Variants in DDX3X observed in about 807,000 individuals in gnomAD.
DDX3X encodes ATP-dependent RNA helicase DDX3X.
DDX3X carries 4 observed loss-of-function variants against 52.7 expected under a neutral mutation model. That is an observed-to-expected ratio of 0.08 (90% CI 0.04 to 0.17). DDX3X has a LOEUF of 0.17. Ranked by LOEUF, DDX3X falls within the 10% of genes least tolerant of loss-of-function variation. The pLI is 1.00. For synonymous variants in DDX3X, 192 were observed against 178.1 expected, an observed-to-expected ratio of 1.08 and a Z score of -0.62; for missense variants, 222 against 548.6, an observed-to-expected ratio of 0.40 and a Z score of 5.95.
At chrX:41,334,610 G>A in intron 1 of DDX3X, 1 of 1,091,816 alleles carries the variant, frequency 9.2e-7, no homozygotes, top group Non-Finnish European at 1.2e-6. Flanking sequence ...AATCCCGACT[G>A]ATTAGTGACC....
chrX:41,343,408 T>G, intron 7 of DDX3X, 57 bp downstream of exon 7: 1 of 1,074,281 alleles, frequency 9.3e-7, no homozygotes, highest in East Asian at 3.2e-5. Flanking sequence ...GACTAGACAA[T>G]AAAATATTTT....
chrX:41,340,324 T>G (rs1351556766), intron 3 of DDX3X: 1 of 112,931 alleles, frequency 8.9e-6, no homozygotes, highest in Non-Finnish European at 1.9e-5. Flanking sequence ...GGCAGTATCA[T>G]AGAGGTTTTA....
intron 5 of DDX3X, among the ~76,000 whole-genome samples, chrX:41,355,730 A>G (rs1452794791): frequency 9.7e-6 from 1 of 102,608 alleles, no homozygotes; most frequent in Admixed American, 1.1e-4. Context: ...CCTCCCATCT[A>G]GCCCAGCACT....
At chrX:41,334,923 TTTC>T (rs1368716284) in intron 1 of DDX3X, 4 of 271,795 alleles carry the variant, frequency 1.5e-5, no homozygotes. Flanking sequence ...ATGGAATGGG[TTTC>T]TTGTTTTTTC....
At chrX:41,360,458 T>G (rs1486395601) in intron 5 of DDX3X, among the ~76,000 whole-genome samples, 1 of 108,996 alleles carries the variant, frequency 9.2e-6, no homozygotes, top group Non-Finnish European at 1.9e-5. Flanking sequence ...TGTTTGTTTA[T>G]TTGAGACAGG....
At chrX:41,361,389 G>T (rs1256987414) in intron 5 of DDX3X, among the ~76,000 whole-genome samples, 4 of 110,121 alleles carry the variant, frequency 3.6e-5, no homozygotes, top group Non-Finnish European at 7.6e-5. Context: ...GCTGGCACCT[G>T]TAATCCCAGC....
chrX:41,341,583 T>G lies in DDX3X; in HGVS notation c.251T>G (p.Phe84Cys), dbSNP rs892274119. ...AGTGATTCAAGAGGGAAGTCTAGCT[T>G]CTTCAGTGATCGTGGAAGTGGATCA... ...SRSDSRGKSS[F>C]FSDRGSGSRG... The change falls in exon 4 of 17, where the codon TTC becomes TGC. Residue 84 changes from phenylalanine to cysteine, a missense_variant. Physicochemically the swap from Phe to Cys is radical, Grantham distance 205 (BLOSUM62 -2). This residue lies in a region of DDX3X where 93 missense variants were observed against 123.7 expected (regional missense o/e 0.75). Coordinates refer to ENST00000644876, the MANE Select transcript of DDX3X (RefSeq NM_001356.5). 7.4e-6 allele frequency: 9 copies of G among 1,209,502 alleles called. No homozygotes were observed. Among genetic ancestry groups the G allele is most frequent in the African/African-American group, 1.7e-5 (1 of 57,177 alleles).
rs745375423 is a variant in DDX3X, at chrX:41,339,093, C to T, written c.151+10C>T. 12 of 1,056,901 alleles carry T rather than the reference C, an allele frequency of 1.1e-5. No homozygotes were observed. In the South Asian group the frequency reaches 2.7e-4, roughly 24 times the overall value. 87.1% of individuals were successfully genotyped at this position (1,056,901 alleles called of 1,213,427 possible). A position where few individuals can be genotyped will look rare whatever the true frequency, so the allele number is the denominator to read the frequency against. ...CGAGAAGCTACTAAAGGTAGGTCCTCACAAGTAACTTCGTAGGTCTATTTT... is the reference window on the plus strand; with the variant it reads ...CGAGAAGCTACTAAAGGTAGGTCCTTACAAGTAACTTCGTAGGTCTATTTT... On this transcript the variant is annotated intron_variant, in intron 3 of 16. Transcript: ENST00000644876.
chrX:41,334,331 G>T, intron 1 of DDX3X, 34 bp downstream of exon 1: 3 of 1,205,001 alleles, frequency 2.5e-6, no homozygotes, highest in Non-Finnish European at 3.4e-6. Flanking sequence ...GCTGGCTGCT[G>T]CGTGAATTCC....
Position 41,350,110 on chromosome X carries a change from G to T in DDX3X, c.*2391G>T, listed in dbSNP as rs766604206. 8.9e-6 allele frequency: 1 copy of T among 112,279 alleles called. No individual in the cohort carries two copies. Among genetic ancestry groups the T allele is most frequent in the South Asian group, 3.7e-4 (1 of 2,726 alleles). 9.3% of individuals were successfully genotyped at this position (112,279 alleles called of 1,213,427 possible). On this transcript the variant is annotated 3_prime_UTR_variant, in exon 17 of 17. Coordinates refer to ENST00000644876, the MANE Select transcript of DDX3X (RefSeq NM_001356.5). ...TGTAAAGATTGAACCTCAAGTCACTGTAGCTTTAGTAATTGCTTATTGTAT... is the reference window on the plus strand; with the variant it reads ...TGTAAAGATTGAACCTCAAGTCACTTTAGCTTTAGTAATTGCTTATTGTAT...
chrX:41,337,060 T>G (rs1044897274), intron 1 of DDX3X, among the ~76,000 whole-genome samples: 3 of 112,522 alleles, frequency 2.7e-5, no homozygotes, highest in African/African-American at 6.5e-5. Context: ...ATTTTGAGAT[T>G]CAGTGTAAGC....
chrX:41,352,469 A>G (rs1325317149), downstream of DDX3X, among the ~76,000 whole-genome samples: 1 of 111,465 alleles, frequency 9.0e-6, no homozygotes, highest in Non-Finnish European at 1.9e-5. Flanking sequence ...CATTAGTGGT[A>G]TGCAGAATGG....
At position 41,342,673 on chromosome X, in the gene DDX3X, G is replaced by A; in HGVS notation, c.443+20G>A. ...GGAACAGTAAGTTTTTGAAGTGTAT[G>A]TTACTTGTGATGAAGCCTTACTAGC... On this transcript the variant is annotated intron_variant, in intron 5 of 16. Transcript: ENST00000644876. 2 of 1,211,118 alleles carry A rather than the reference G, an allele frequency of 1.7e-6. No homozygotes were observed. The highest frequency in any genetic ancestry group is 2.2e-6 in the Non-Finnish European group (2 of 894,962).
chrX:41,339,936 CGGA>C (rs1212995917), intron 3 of DDX3X: 5 of 68,758 alleles, frequency 7.3e-5, no homozygotes, highest in African/African-American at 3.4e-4. Flanking sequence ...TTTTTTGAGA[CGGA>C]GCCTTGCTCT....
chrX:41,363,767 G>C (rs1451212933), intron 5 of DDX3X, among the ~76,000 whole-genome samples: 4 of 106,951 alleles, frequency 3.7e-5, no homozygotes, highest in African/African-American at 1.4e-4. Flanking sequence ...TGGGCAACAA[G>C]AGCGAAACTC....
At chrX:41,341,204 C>T (rs1276351603) in intron 3 of DDX3X, 5 of 229,167 alleles carry the variant, frequency 2.2e-5, no homozygotes, top group African/African-American at 1.4e-4. Context: ...AGGCTAGTCT[C>T]GAACTCCTGA....
intron 1 of DDX3X, chrX:41,334,544 G>A: frequency 1.8e-6 from 2 of 1,093,828 alleles, no homozygotes; most frequent in Non-Finnish European, 1.2e-6. Flanking sequence ...GTGTGCGTGC[G>A]CAGGCGGGCG....
At chrX:41,343,084 AG>A (rs1485344282) in intron 6 of DDX3X, 131 bp from the exon 7 acceptor site, 1 of 839,040 alleles carries the variant, frequency 1.2e-6, no homozygotes, top group Non-Finnish European at 1.7e-6. Flanking sequence ...TTTTTCTCAA[AG>A]TATAATGTGA....
chrX:41,334,466 GGC>G (rs1163503330), intron 1 of DDX3X, 169 bp downstream of exon 1: 2 of 1,101,978 alleles, frequency 1.8e-6, no homozygotes, highest in African/African-American at 3.7e-5. Flanking sequence ...TGTTGGTTGG[GGC>G]TGTCGCCCGG....
Sources: gnomAD v4.1 joint callset for allele counts (sites outside exome capture counted in the v4.1 genomes callset) on GRCh38, gnomAD v4.1.1 for gene constraint, gnomAD v4.1.1 regional missense constraint, MANE v1.5 for transcripts, NCBI Gene and HGNC (gene_info 2026-07-23, HGNC 2026-07-21) for gene names.